The following SSR1 variants were observed in gnomAD, a reference collection of about 807,000 sequenced individuals.
The protein encoded by SSR1 is translocon-associated protein subunit alpha.
Under a neutral mutation model 36.1 loss-of-function variants are expected in SSR1, and 13 were observed. The ratio of observed to expected loss-of-function variants is 0.36; its 90% CI spans 0.23 to 0.57. The LOEUF is 0.57. SSR1 is among the 20% of genes least tolerant of loss of function. The pLI, the probability that SSR1 is intolerant of heterozygous loss-of-function variation, is 0.81. For synonymous variants in SSR1, 113 were observed against 118.9 expected, an observed-to-expected ratio of 0.95 and a Z score of 0.32; for missense variants, 291 against 338.5, an observed-to-expected ratio of 0.86 and a Z score of 1.10.
rs183168176 is a variant in SSR1 at position 7,298,864 on chromosome 6, A to G, written c.544-41T>C. The G allele has an allele frequency of 2.0e-5, 30 of 1,499,770 alleles. No homozygotes were observed. The East Asian group carries it at 6.1e-4, about 31-fold the overall frequency. The allele number at this position is 1,499,770 out of a possible 1,614,324, so 92.9% of individuals were successfully genotyped here. On this transcript the variant is annotated intron_variant, in intron 4 of 7. Coordinates refer to ENST00000244763, the MANE Select transcript of SSR1 (RefSeq NM_003144.5). ...AAATAATCAGAAAAATCTAAATGCA[A>G]TAAAGGAAGTAAAACATGTAACATT...
chr6:7,312,310 CAATACG>C (rs1283377057), intron 1 of SSR1, among the ~76,000 whole-genome samples: 9 of 152,084 alleles, frequency 5.9e-5, no homozygotes, highest in South Asian at 2.1e-4. Context: ...TTTTTCAGCA[CAATACG>C]ATGTTTCCAC....
At chr6:7,302,485 G>T (rs1757958267) in intron 3 of SSR1, among the ~76,000 whole-genome samples, 2 of 152,210 alleles carry the variant, frequency 1.3e-5, no homozygotes, top group African/African-American at 4.8e-5. Flanking sequence ...CTAGGCACTG[G>T]CCGGGTGTGG....
Position 7,289,897 on chromosome 6 carries a change from C to T in SSR1, c.828G>A (p.Arg276=). Residue 276 remains arginine (R), a synonymous_variant, in exon 8 of 8, where the codon CGG becomes CGA. Transcript: ENST00000244763. ...CAGATCCCACTGATCTCTTCTGTGC[C>T]CGTTTCCTGGGCAACCTTCTTGGTG... ...KASPRRLPRK[R]AQKRSVGSDE 6.5e-7 allele frequency: 1 copy of T among 1,540,980 alleles called. No homozygotes were observed. Among genetic ancestry groups the T allele is most frequent in the Non-Finnish European group, 8.7e-7 (1 of 1,154,672 alleles).
chr6:7,291,455 G>A (rs1323195933), intron 7 of SSR1, among the ~76,000 whole-genome samples: 1 of 152,042 alleles, frequency 6.6e-6, no homozygotes, highest in Non-Finnish European at 1.5e-5. Context: ...ACATATCACA[G>A]GAAAACTGCC....
At chr6:7,291,562 T>C (rs1757681868) in intron 7 of SSR1, among the ~76,000 whole-genome samples, 1 of 152,206 alleles carries the variant, frequency 6.6e-6, no homozygotes, top group African/African-American at 2.4e-5. Flanking sequence ...TCAACTTACC[T>C]AAAACTGAGC....
rs1315122127 is a variant in SSR1, at chr6:7,313,185, C to T, written c.-65G>A. ...CTCTCGGCGGCTCCGGCGGTAATGG[C>T]GTTACTCTTCATCCGGGCTCCGGGC... On this transcript the variant is annotated 5_prime_UTR_variant, in exon 1 of 8. Coordinates refer to ENST00000244763, the MANE Select transcript of SSR1 (RefSeq NM_003144.5). 2.1e-6 allele frequency: 3 copies of T among 1,451,656 alleles called. No homozygotes were observed. The highest frequency in any genetic ancestry group is 5.2e-5 in the East Asian group (2 of 38,260). 89.9% of individuals were successfully genotyped at this position (1,451,656 alleles called of 1,614,324 possible).
At chr6:7,299,278 T>A (rs1757872752) in intron 4 of SSR1, among the ~76,000 whole-genome samples, 1 of 152,244 alleles carries the variant, frequency 6.6e-6, no homozygotes, top group East Asian at 1.9e-4. Flanking sequence ...ACAGCATTCT[T>A]ACGCCAACAA....
At chr6:7,295,303 T>C (rs1045328935) in intron 7 of SSR1, 89 bp downstream of exon 7, 5 of 1,236,578 alleles carry the variant, frequency 4.0e-6, no homozygotes, top group Non-Finnish European at 3.4e-6. Flanking sequence ...TAAATAGTAC[T>C]GAAAAAGTTT....
chr6:7,309,772 T>C lies in SSR1; in HGVS notation c.192+145A>G, dbSNP rs1758147246. On this transcript the variant is annotated intron_variant, in intron 2 of 7. Coordinates refer to ENST00000244763, the MANE Select transcript of SSR1 (RefSeq NM_003144.5). The stretch of plus-strand genomic sequence containing the variant: ...CCATGATGGTAAGTTTCCTGAGGCC[T>C]CCCCAGTCATGCTGAACTGTGGGTC... The C allele has an allele frequency of 4.4e-6, 3 of 688,196 alleles. No individual in the cohort carries two copies. The East Asian group carries it at 8.3e-5, about 19-fold the overall frequency. The allele number at this position is 688,196 out of a possible 1,614,324, so 42.6% of individuals were successfully genotyped here. A position where few individuals can be genotyped will look rare whatever the true frequency, so the allele number is the denominator to read the frequency against.
At chr6:7,301,192 G>A in intron 4 of SSR1, 118 bp downstream of exon 4, 2 of 1,234,336 alleles carry the variant, frequency 1.6e-6, no homozygotes, top group Non-Finnish European at 2.2e-6. Flanking sequence ...TTCCCTGGTG[G>A]CTATCACAGG....
At position 7,289,515 on chromosome 6, in the gene SSR1, G is replaced by GAA. The variant is rs5874088; in HGVS notation, c.*347_*348dup. 1.3e-5 allele frequency: 3 copies of GAA among 236,030 alleles called. No individual in the cohort carries two copies. The highest frequency in any genetic ancestry group is 2.4e-5 in the Non-Finnish European group (3 of 123,296). The allele number at this position is 236,030 out of a possible 1,614,324, so 14.6% of individuals were successfully genotyped here. On this transcript the variant is annotated 3_prime_UTR_variant, in exon 8 of 8. Coordinates refer to ENST00000244763, the MANE Select transcript of SSR1 (RefSeq NM_003144.5). ...GGTAAATATTAACTGAGTTTTGGGG[G>GAA]AAAAAATCAGAAAATGTCAAAAAGG...
At chr6:7,301,058 C>A (rs891565731) in intron 4 of SSR1, among the ~76,000 whole-genome samples, 1 of 152,206 alleles carries the variant, frequency 6.6e-6, no homozygotes, top group African/African-American at 2.4e-5. Flanking sequence ...TCCACTCCCA[C>A]ACAATAGCAC....
In SSR1 at chr6:7,289,642, A is replaced by G; in HGVS notation, c.*222T>C. 1.9e-6 allele frequency: 1 copy of G among 537,030 alleles called. No individual in the cohort carries two copies. Among genetic ancestry groups the G allele is most frequent in the Non-Finnish European group, 3.2e-6 (1 of 312,434 alleles). 33.3% of individuals were successfully genotyped at this position (537,030 alleles called of 1,614,324 possible). On this transcript the variant is annotated 3_prime_UTR_variant, in exon 8 of 8. Coordinates refer to ENST00000244763, the MANE Select transcript of SSR1 (RefSeq NM_003144.5). ...TGCTCACATACATACACACGCACAC[A>G]CATAGATTTTAATGGTTTAAAAAAA...
chr6:7,290,250 A>G (rs1166799507), intron 7 of SSR1, among the ~76,000 whole-genome samples: 1 of 152,272 alleles, frequency 6.6e-6, no homozygotes, highest in African/African-American at 2.4e-5. Flanking sequence ...ATACATGCAT[A>G]AGTAAACGCT....
chr6:7,306,277 G>A (rs1430707274), intron 2 of SSR1, among the ~76,000 whole-genome samples: 1 of 151,982 alleles, frequency 6.6e-6, no homozygotes, highest in Non-Finnish European at 1.5e-5. Flanking sequence ...CAAGCAGCTG[G>A]GACTACAGGT....
chr6:7,294,991 G>T, intron 7 of SSR1: 3 of 1,104,584 alleles, frequency 2.7e-6, no homozygotes, highest in Non-Finnish European at 3.7e-6. Context: ...AAGAAAAATT[G>T]TTCCATTACT....
intron 3 of SSR1, among the ~76,000 whole-genome samples, chr6:7,303,281 G>C (rs57566056): frequency 0.018 from 2,701 of 150,830 alleles, 41 homozygotes; most frequent in East Asian, 0.061. Flanking sequence ...GAGTCGAGAG[G>C]GGGCCACTGC....
In SSR1 at chr6:7,313,157, A is replaced by AGGCTCTCGGC; in HGVS notation, c.-47_-38dup. ...TCCAGTGTCCAGTTTCCGTCGGCTA[A>AGGCTCTCGGC]GGCTCTCGGCGGCTCCGGCGGTAAT... On this transcript the variant is annotated 5_prime_UTR_variant, in exon 1 of 8. It introduces an in-frame stop codon into an upstream open reading frame of the 5' UTR. Transcript: ENST00000244763. The AGGCTCTCGGC allele has an allele frequency of 6.4e-7, 1 of 1,572,068 alleles. No homozygotes were observed. Among genetic ancestry groups the AGGCTCTCGGC allele is most frequent in the Non-Finnish European group, 8.6e-7 (1 of 1,157,558 alleles).
intron 2 of SSR1, among the ~76,000 whole-genome samples, chr6:7,305,633 C>A (rs753034562): frequency 6.6e-6 from 1 of 152,062 alleles, no homozygotes; most frequent in Non-Finnish European, 1.5e-5. Flanking sequence ...AACAAAATTC[C>A]GCAGGAAGAG....
Sources: allele counts gnomAD v4.1 joint callset (sites outside exome capture counted in the v4.1 genomes callset), GRCh38; gene constraint gnomAD v4.1.1; transcripts MANE v1.5; gene names NCBI Gene and HGNC (gene_info 2026-07-23, HGNC 2026-07-21).